Variants in RGL4 observed in about 807,000 individuals in gnomAD.
RGL4 encodes the protein ral-GDS-related protein.
RGL4 carries 41 observed loss-of-function variants against 49.6 expected under a neutral mutation model. The observed-to-expected ratio is 0.83, with a 90% CI of 0.64 to 1.07. The LOEUF is 1.07. Ranked by LOEUF, RGL4 falls within the 50% of genes least tolerant of loss-of-function variation. The pLI, the probability that RGL4 is intolerant of heterozygous loss-of-function variation, is 0.00. For missense variants in RGL4, 610 were observed against 591.9 expected, an observed-to-expected ratio of 1.03 and a Z score of -0.32; for synonymous variants, 255 against 238.0, an observed-to-expected ratio of 1.07 and a Z score of -0.66.
rs1047106463 is a variant in RGL4 at position 23,698,716 on chromosome 22, T to C, written c.1383-128T>C. The C allele has an allele frequency of 4.0e-6, 5 of 1,235,008 alleles. No individual in the cohort carries two copies. In the African/African-American group the frequency reaches 7.5e-5, roughly 18 times the overall value. The allele number at this position is 1,235,008 out of a possible 1,614,324, so 76.5% of individuals were successfully genotyped here. On this transcript the variant is annotated intron_variant, in intron 10 of 10. Transcript: ENST00000290691. ...GCTGCAGAGAGCCTATGGCCATGCC[T>C]CCACGGCCAGCATCAAGCCCTGTTG...
intron 6 of RGL4, chr22:23,696,351 C>G: frequency 7.2e-7 from 1 of 1,395,974 alleles, no homozygotes; most frequent in South Asian, 1.4e-5. Flanking sequence ...AGAACAACGG[C>G]AACAGCTACA....
Position 23,692,343 on chromosome 22 carries a change from C to A in RGL4, c.188C>A (p.Thr63Asn), listed in dbSNP as rs765350197. 9.3e-6 allele frequency: 15 copies of A among 1,614,146 alleles called. No individual in the cohort carries two copies. The highest frequency in any genetic ancestry group is 1.2e-5 in the Non-Finnish European group (14 of 1,179,996). Residue 63 changes from threonine to asparagine, a missense_variant, in exon 2 of 11, where the codon ACC becomes AAC. Coordinates refer to ENST00000290691, the MANE Select transcript of RGL4 (RefSeq NM_153615.2). ...QDSTDGLRTI[T>N]SILFNWPPEN... ...GTCTACTCCATCACCAGCACCATCACCTCCATTTTGTTCAACTGGCCCCCC... is the reference window on the plus strand; with the variant it reads ...GTCTACTCCATCACCAGCACCATCAACTCCATTTTGTTCAACTGGCCCCCC...
At position 23,697,192 on chromosome 22, in the gene RGL4, GA is replaced by G. The variant is rs1923565530; in HGVS notation, c.1184del (p.Asp395ValfsTer3). 8 of 1,613,512 alleles carry G rather than the reference GA, an allele frequency of 5.0e-6. No homozygotes were observed. Among genetic ancestry groups the G allele is most frequent in the Non-Finnish European group, 5.9e-6 (7 of 1,179,642 alleles). ...ACAGGGTGTGGTCCCCTTCCTGGGG[GA>G]TTTTCTGACTGAGTTACAGAGGCTG... ...QKKGVVPFLG[D>X]FLTELQRLDS... On this transcript the variant is annotated frameshift_variant, in exon 8 of 11. Coordinates refer to ENST00000290691, the MANE Select transcript of RGL4 (RefSeq NM_153615.2). LOFTEE classifies it high-confidence loss of function.
intron 10 of RGL4, 54 bp from the exon 11 acceptor site, chr22:23,698,790 G>A (rs1019740645): frequency 6.4e-7 from 1 of 1,565,538 alleles, no homozygotes; most frequent in Non-Finnish European, 8.7e-7. Context: ...GGCACTGACA[G>A]GGGACCTGAT....
At position 23,691,929 on chromosome 22, in the gene RGL4, C is replaced by T; in HGVS notation, c.-102C>T. 1.6e-6 allele frequency: 2 copies of T among 1,250,792 alleles called. No individual in the cohort carries two copies. Among genetic ancestry groups the T allele is most frequent in the Non-Finnish European group, 2.2e-6 (2 of 890,984 alleles). The allele number at this position is 1,250,792 out of a possible 1,614,324, so 77.5% of individuals were successfully genotyped here. Reference sequence around the variant, plus strand: ...CAGCTGGCCACTGAGAGACCCATCCCCCTCAGCACCGTGGCTTCCCAGCTC... The same window carrying T: ...CAGCTGGCCACTGAGAGACCCATCCTCCTCAGCACCGTGGCTTCCCAGCTC... On this transcript the variant is annotated 5_prime_UTR_variant, in exon 1 of 11. Transcript: ENST00000290691.
chr22:23,695,628 G>A, intron 6 of RGL4: 1 of 341,710 alleles, frequency 2.9e-6, no homozygotes, highest in South Asian at 2.3e-5. Flanking sequence ...GCTGTTTGCT[G>A]GGACTCCCCA....
In RGL4 at chr22:23,691,756, G is replaced by C. The variant is rs1285570067; in HGVS notation, c.-275G>C. ...GGGAAAATATGTGGACTCTGGCTGGGGAGAGACTAAAGGAGCTCTGGGGCT... is the reference window on the plus strand; with the variant it reads ...GGGAAAATATGTGGACTCTGGCTGGCGAGAGACTAAAGGAGCTCTGGGGCT... On this transcript the variant is annotated 5_prime_UTR_variant, in exon 1 of 11. Transcript: ENST00000290691. 2 of 368,548 alleles carry C rather than the reference G, an allele frequency of 5.4e-6. No homozygotes were observed. The highest frequency in any genetic ancestry group is 4.0e-5 in the African/African-American group (2 of 49,864). The allele number at this position is 368,548 out of a possible 1,614,324, so 22.8% of individuals were successfully genotyped here.
chr22:23,692,702 C>T lies in RGL4; in HGVS notation c.407C>T (p.Thr136Ile), dbSNP rs1923216214. The change falls in exon 3 of 11, where the codon ACA becomes ATA. Residue 136 changes from threonine to isoleucine, a missense_variant. Coordinates refer to ENST00000290691, the MANE Select transcript of RGL4 (RefSeq NM_153615.2). Reference sequence around the variant, plus strand: ...CCACGTCCTGGGCAACACGCATTAACAATGCCGGCCCTGGAGCCAGCACCA... The same window carrying T: ...CCACGTCCTGGGCAACACGCATTAATAATGCCGGCCCTGGAGCCAGCACCA... ...PAPRPGQHAL[T>I]MPALEPAPPL... 5 of 1,610,986 alleles carry T rather than the reference C, an allele frequency of 3.1e-6. No homozygotes were observed. In the East Asian group the frequency reaches 6.7e-5, roughly 22 times the overall value.
chr22:23,692,298 G>A (rs1239126146), intron 1 of RGL4, 37 bp from the exon 2 acceptor site: 2 of 1,610,426 alleles, frequency 1.2e-6, no homozygotes, highest in African/African-American at 2.7e-5. Context: ...GTGGGAGAAG[G>A]CCAGGCCTCT....
chr22:23,694,612 G>A (rs1355492918), intron 5 of RGL4, 162 bp downstream of exon 5: 9 of 626,880 alleles, frequency 1.4e-5, no homozygotes, highest in Non-Finnish European at 2.3e-5. Context: ...GGACTCCTAG[G>A]CAAGGATTTC....
rs747257841 is a variant in RGL4 at position 23,692,764 on chromosome 22, G to A, written c.469G>A (p.Glu157Lys). The A allele has an allele frequency of 3.7e-6, 6 of 1,613,390 alleles. No homozygotes were observed. In the South Asian group the frequency reaches 4.4e-5, roughly 12 times the overall value. The part of the protein sequence containing the change: ...LADLGPALEP[E>K]SPAALGPPGY... ...GGACCTGGGGCCTGCTCTGGAGCCA[G>A]AGTCACCTGCAGCCCTGGGTCCACC... Residue 157 changes from glutamate (E) to lysine (K), a missense_variant, in exon 3 of 11, where the codon GAG becomes AAG. Glu to Lys is a moderately conservative substitution (Grantham distance 56, BLOSUM62 1). Transcript: ENST00000290691.
chr22:23,698,335 TG>T lies in RGL4; in HGVS notation c.1382+3del. The T allele has an allele frequency of 6.2e-7, 1 of 1,600,110 alleles. No homozygotes were observed. The highest frequency in any genetic ancestry group is 8.6e-7 in the Non-Finnish European group (1 of 1,168,754). On this transcript the variant is annotated splice_donor_region_variant and intron_variant, in intron 10 of 10. Coordinates refer to ENST00000290691, the MANE Select transcript of RGL4 (RefSeq NM_153615.2). ...GGAGCAGCTCAGTGACAAAGAGAGG[TG>T]AGGGCCTAGCCCATGGGCTGAGGGT...
Position 23,692,122 on chromosome 22 carries a change from T to C in RGL4, c.92T>C (p.Val31Ala). Residue 31 changes from valine (V) to alanine (A), a missense_variant, in exon 1 of 11, where the codon GTC (valine) becomes GCC (alanine). Transcript: ENST00000290691. ...AVLQGLWEEN[V>A]CGTPGRTRVC... is the part of the protein sequence containing the mutation. ...CTCCAGGGCCTTTGGGAAGAGAATGTCTGTGGGACGCCAGGGCGCACGAGG... is the reference window on the plus strand; with the variant it reads ...CTCCAGGGCCTTTGGGAAGAGAATGCCTGTGGGACGCCAGGGCGCACGAGG... 1 of 1,614,152 alleles carries C rather than the reference T, an allele frequency of 6.2e-7. No homozygotes were observed. Among genetic ancestry groups the C allele is most frequent in the Non-Finnish European group, 8.5e-7 (1 of 1,180,002 alleles).
Position 23,695,016 on chromosome 22 carries a change from C to T in RGL4, c.1083C>T (p.Ile361=). 1 of 1,609,650 alleles carries T rather than the reference C, an allele frequency of 6.2e-7. No individual in the cohort carries two copies. Among genetic ancestry groups the T allele is most frequent in the African/African-American group, 1.3e-5 (1 of 74,950 alleles). Residue 361 remains isoleucine (I), a synonymous_variant, in exon 6 of 11, where the codon ATC becomes ATT. Coordinates refer to ENST00000290691, the MANE Select transcript of RGL4 (RefSeq NM_153615.2). ...CTGCAGTGAAGAGGGACCTACTGAT[C>T]AAGGTACAGTGGAGTCTGGGAGATG... ...KDTAVKRDLL[I]KAGSFKVATQ...
In RGL4 at chr22:23,696,636, C is replaced by CT; in HGVS notation, c.1109_1110insT (p.Gln371ProfsTer29). ...CAGGCGGGGAGCTTTAAGGTGGCCA[C>CT]CCAGGAGAGGAACCCCCAGAGAGTC... is the stretch of plus-strand genomic sequence containing the variant. On this transcript the variant is annotated frameshift_variant, in exon 7 of 11. Coordinates refer to ENST00000290691, the MANE Select transcript of RGL4 (RefSeq NM_153615.2). LOFTEE classifies it high-confidence loss of function. 1 of 1,613,796 alleles carries CT rather than the reference C, an allele frequency of 6.2e-7. No individual in the cohort carries two copies. The highest frequency in any genetic ancestry group is 8.5e-7 in the Non-Finnish European group (1 of 1,179,892).
Position 23,697,178 on chromosome 22 carries a change from T to C in RGL4, c.1169T>C (p.Val390Ala), listed in dbSNP as rs1292722439. Residue 390 changes from valine (V) to alanine (A), a missense_variant, in exon 8 of 11, where the codon GTC (valine) becomes GCC (alanine). Val to Ala is a moderately conservative substitution (Grantham distance 64). Transcript: ENST00000290691. ...CACCCCTCCTTGGCACAGGGTGTGG[T>C]CCCCTTCCTGGGGGATTTTCTGACT... Reference protein sequence around the residue: ...MRLRRQKKGVVPFLGDFLTEL... With the variant: ...MRLRRQKKGVAPFLGDFLTEL... The C allele has an allele frequency of 1.2e-6, 2 of 1,612,792 alleles. No homozygotes were observed. The highest frequency in any genetic ancestry group is 2.7e-5 in the African/African-American group (2 of 74,860).
At chr22:23,694,805 T>C in intron 5 of RGL4, 145 bp from the exon 6 acceptor site, 1 of 698,778 alleles carries the variant, frequency 1.4e-6, no homozygotes, top group Non-Finnish European at 2.6e-6. Flanking sequence ...ACCCTGGTCC[T>C]CTGGAGCCCC....
At chr22:23,693,619 C>T in intron 3 of RGL4, 140 bp from the exon 4 acceptor site, 1 of 706,744 alleles carries the variant, frequency 1.4e-6, no homozygotes, top group Non-Finnish European at 2.5e-6. Context: ...AAGTCTGGAG[C>T]CCATTTTAAA....
chr22:23,694,637 G>A, intron 5 of RGL4, 187 bp downstream of exon 5: 1 of 608,838 alleles, frequency 1.6e-6, no homozygotes, highest in Non-Finnish European at 2.9e-6. Flanking sequence ...TCAGGACTAA[G>A]GTTTTTTAAC....
Sources: gnomAD v4.1 joint callset for allele counts on GRCh38, gnomAD v4.1.1 for gene constraint, MANE v1.5 for transcripts, NCBI Gene and HGNC (gene_info 2026-07-23, HGNC 2026-07-21) for gene names.